The following RBAK variants were observed in gnomAD, a reference collection of about 807,000 sequenced individuals.
The protein encoded by RBAK is RB-associated KRAB zinc finger protein.
In RBAK, 39 loss-of-function variants were observed where a neutral mutation model predicts 65.8. That is an observed-to-expected ratio of 0.59 (90% confidence interval 0.46 to 0.77). The LOEUF is 0.77. Among genes scored for constraint, RBAK ranks in the 30% least tolerant of loss-of-function variants. The pLI, the probability that RBAK is intolerant of heterozygous loss-of-function variation, is 0.00. For missense variants in RBAK, 884 were observed against 855.1 expected, an observed-to-expected ratio of 1.03 and a Z score of -0.42; for synonymous variants, 343 against 289.7, an observed-to-expected ratio of 1.18 and a Z score of -1.87.
intron 2 of RBAK, among the ~76,000 whole-genome samples, chr7:5,054,634 A>G (rs1352933405): frequency 2.0e-5 from 3 of 151,688 alleles, no homozygotes; most frequent in Middle Eastern, 3.2e-3. Flanking sequence ...GGGTCTTGCT[A>G]TGTTGCCAAG....
At position 5,048,325 on chromosome 7, in the gene RBAK, A is replaced by G. The variant is rs1374789526; in HGVS notation, c.15+234A>G. Among the ~76,000 whole-genome samples the G allele has an allele frequency of 6.6e-6, 1 of 152,060 alleles. No individual in the cohort carries two copies. Among genetic ancestry groups the G allele is most frequent in the African/African-American group, 2.4e-5 (1 of 41,374 alleles). On this transcript the variant is annotated intron_variant, in intron 2 of 4. Coordinates refer to ENST00000396912, the MANE Select transcript of RBAK (RefSeq NM_021163.4). The surrounding 1 kb of genome is among the most constrained non-coding windows in gnomAD (Gnocchi z 4.4). ...GTAGCTGGGATTACAGGCGTGCGCC[A>G]CCATGCCCAACTAATTTTTTGTATT...
chr7:5,056,001 A>G (rs1157865893), intron 2 of RBAK, among the ~76,000 whole-genome samples: 2 of 152,066 alleles, frequency 1.3e-5, no homozygotes, highest in African/African-American at 4.8e-5. Context: ...TCCTTTTTCT[A>G]AACTACAAGT....
intron 1 of RBAK, among the ~76,000 whole-genome samples, chr7:5,047,391 C>T (rs1241673183): frequency 6.6e-6 from 1 of 151,952 alleles, no homozygotes; most frequent in Non-Finnish European, 1.5e-5. Context: ...AGATTGAGAC[C>T]CTGTCTCAAC....
chr7:5,064,993 T>C lies in RBAK; in HGVS notation c.1537T>C (p.Cys513Arg). Reference protein sequence around the residue: ...TAHLEEKPYECNECGKTFLVN... With the variant: ...TAHLEEKPYERNECGKTFLVN... ...TCATTTAGAAGAGAAACCCTATGAATGTAATGAATGTGGGAAAACCTTCCT... is the reference window on the plus strand; with the variant it reads ...TCATTTAGAAGAGAAACCCTATGAACGTAATGAATGTGGGAAAACCTTCCT... The change falls in exon 5 of 5, where the codon TGT becomes CGT. Residue 513 changes from cysteine (C) to arginine (R), a missense_variant. Cys to Arg is a radical substitution (Grantham distance 180, BLOSUM62 -3). Transcript: ENST00000396912. This position sits in a 1 kb window ranked among gnomAD's most constrained non-coding sequence, Gnocchi z 6.3. 2 of 1,614,128 alleles carry C rather than the reference T, an allele frequency of 1.2e-6. No individual in the cohort carries two copies. Among genetic ancestry groups the C allele is most frequent in the Middle Eastern group, 3.3e-4 (2 of 6,062 alleles).
At position 5,068,702 on chromosome 7, in the gene RBAK, T is replaced by C. The variant is rs1394588661; in HGVS notation, c.*3101T>C. 1 of 152,134 alleles carries C rather than the reference T, an allele frequency of 6.6e-6. No individual in the cohort carries two copies. The highest frequency in any genetic ancestry group is 1.5e-5 in the Non-Finnish European group (1 of 68,022). The allele number at this position is 152,134 out of a possible 1,614,324, so 9.4% of individuals were successfully genotyped here. On this transcript the variant is annotated 3_prime_UTR_variant, in exon 5 of 5. Transcript: ENST00000396912. ...CTGTTTTACCCAAACCCAGCAAAAA[T>C]GCATGTGTCTGTCCACCAAAGGACA...
rs766173536 is a variant in RBAK at position 5,065,251 on chromosome 7, G to A, written c.1795G>A (p.Glu599Lys). 7 of 1,613,780 alleles carry A rather than the reference G, an allele frequency of 4.3e-6. No homozygotes were observed. The highest frequency in any genetic ancestry group is 4.0e-5 in the African/African-American group (3 of 74,882). ...AGGCGAGAAACCCTATGAATGTTAC[G>A]AATGTGGAAAATTCTTCTCTCAGAA... ...HTGEKPYECY[E>K]CGKFFSQKSY... Residue 599 changes from glutamate to lysine, a missense_variant, in exon 5 of 5, where the codon GAA (glutamate) becomes AAA (lysine). Glu to Lys is a moderately conservative substitution (Grantham distance 56). Transcript: ENST00000396912. This position sits in a 1 kb window ranked among gnomAD's most constrained non-coding sequence, Gnocchi z 5.3.
Position 5,057,701 on chromosome 7 carries a change from C to A in RBAK, c.160C>A (p.Pro54Thr). 4 of 1,613,872 alleles carry A rather than the reference C, an allele frequency of 2.5e-6. No individual in the cohort carries two copies. Among genetic ancestry groups the A allele is most frequent in the Non-Finnish European group, 3.4e-6 (4 of 1,179,846 alleles). Residue 54 changes from proline to threonine, a missense_variant, in exon 4 of 5, where the codon CCA (proline) becomes ACA (threonine). By Grantham distance (38) the Pro-to-Thr change is conservative. Transcript: ENST00000396912. ...ATTAACAGGATATGATACCACCAAG[C>A]CAAACGTCATCATTAAGTTGGAGCA... Reference protein sequence around the residue: ...LVSVGYDTTKPNVIIKLEQGE... With the variant: ...LVSVGYDTTKTNVIIKLEQGE...
chr7:5,051,978 G>T (rs1309456261), intron 2 of RBAK, among the ~76,000 whole-genome samples: 1 of 152,140 alleles, frequency 6.6e-6, no homozygotes, highest in Non-Finnish European at 1.5e-5. Context: ...AATTGTTGGG[G>T]AGAGGGGATT....
intron 1 of RBAK, among the ~76,000 whole-genome samples, chr7:5,047,010 A>G (rs1788002381): frequency 6.6e-6 from 1 of 152,232 alleles, no homozygotes; most frequent in African/African-American, 2.4e-5. Flanking sequence ...TAATTTAGAA[A>G]CAAAACCATA....
intron 1 of RBAK, 58 bp from the exon 2 acceptor site, chr7:5,047,975 T>G: frequency 1.1e-6 from 1 of 888,338 alleles, no homozygotes; most frequent in Non-Finnish European, 1.7e-6. Context: ...CGCAGGAGAT[T>G]CCTGCCTTTG....
intron 2 of RBAK, among the ~76,000 whole-genome samples, chr7:5,052,463 A>T (rs1788137213): frequency 6.6e-6 from 1 of 152,144 alleles, no homozygotes; most frequent in Non-Finnish European, 1.5e-5. Flanking sequence ...CCTCTTGATT[A>T]ATTGATAATT....
At chr7:5,061,429 G>GT (rs1327875632) in intron 4 of RBAK, among the ~76,000 whole-genome samples, 1 of 145,936 alleles carries the variant, frequency 6.9e-6, no homozygotes, top group Non-Finnish European at 1.5e-5. Flanking sequence ...CTGATCTTGG[G>GT]TTTTTTGTTT....
intron 2 of RBAK, among the ~76,000 whole-genome samples, chr7:5,049,987 A>G (rs1257407327): frequency 2.0e-5 from 3 of 152,082 alleles, no homozygotes; most frequent in Admixed American, 6.5e-5. Flanking sequence ...CCAAAATGCT[A>G]GGATTACAGG....
rs749584211 is a variant in RBAK, at chr7:5,064,290, C to G, written c.834C>G (p.Ile278Met). Reference protein sequence around the residue: ...KSFCKKSKFIIHQRAHTGEKP... With the variant: ...KSFCKKSKFIMHQRAHTGEKP... ...TCTGTAAAAAGTCAAAATTCATCATCCACCAGAGGGCTCACACAGGAGAGA... is the reference window on the plus strand; with the variant it reads ...TCTGTAAAAAGTCAAAATTCATCATGCACCAGAGGGCTCACACAGGAGAGA... The change falls in exon 5 of 5, where the codon ATC becomes ATG. Residue 278 changes from isoleucine to methionine, a missense_variant. Coordinates refer to ENST00000396912, the MANE Select transcript of RBAK (RefSeq NM_021163.4). The surrounding 1 kb of genome is among the most constrained non-coding windows in gnomAD (Gnocchi z 6.3). The G allele has an allele frequency of 6.2e-7, 1 of 1,614,050 alleles. No individual in the cohort carries two copies. Among genetic ancestry groups the G allele is most frequent in the Non-Finnish European group, 8.5e-7 (1 of 1,179,964 alleles).
intron 2 of RBAK, among the ~76,000 whole-genome samples, chr7:5,052,168 A>C (rs1052169169): frequency 6.6e-6 from 1 of 152,192 alleles, no homozygotes; most frequent in Non-Finnish European, 1.5e-5. Flanking sequence ...TTTGTTATTT[A>C]TGTAGCATTC....
In RBAK at chr7:5,048,354, A is replaced by G. The variant is rs529131465; in HGVS notation, c.15+263A>G. On this transcript the variant is annotated intron_variant, in intron 2 of 4. Transcript: ENST00000396912. This position sits in a 1 kb window ranked among gnomAD's most constrained non-coding sequence, Gnocchi z 4.4. ...TGCCCAACTAATTTTTTGTATTTTT[A>G]GAAGAGACAGGGTTTCACCATGTTG... is the stretch of plus-strand genomic sequence containing the variant. Among the ~76,000 whole-genome samples, 16 of 152,140 alleles carry G rather than the reference A, an allele frequency of 1.1e-4. No homozygotes were observed. In the East Asian group the frequency reaches 2.3e-3, roughly 22 times the overall value.
chr7:5,063,477 CTGTGTGTGTGTGTGTGTGTG>C (rs71535175), intron 4 of RBAK, among the ~76,000 whole-genome samples, 198 bp from the exon 5 acceptor site: 1 of 147,196 alleles, frequency 6.8e-6, no homozygotes, highest in Non-Finnish European at 1.5e-5. Context: ...AATTCTTTCA[CTGTGTGTGTGTGTGTGTGTG>C]TGTGTGTGTG....
chr7:5,064,386 A>AGAT lies in RBAK; in HGVS notation c.930_931insGAT (p.Ser310_His311insAsp). ...GAACCCTCACTGTACATCGGAGATC[A>AGAT]CACTTAGAGGAGAAGCCCTATAAAT... On this transcript the variant is annotated inframe_insertion, in exon 5 of 5. Coordinates refer to ENST00000396912, the MANE Select transcript of RBAK (RefSeq NM_021163.4). The surrounding 1 kb of genome is among the most constrained non-coding windows in gnomAD (Gnocchi z 6.3). 1 of 1,613,918 alleles carries AGAT rather than the reference A, an allele frequency of 6.2e-7. No individual in the cohort carries two copies. Among genetic ancestry groups the AGAT allele is most frequent in the South Asian group, 1.1e-5 (1 of 91,054 alleles).
chr7:5,048,010 G>C lies in RBAK; in HGVS notation c.-44-23G>C. On this transcript the variant is annotated intron_variant, in intron 1 of 4. Coordinates refer to ENST00000396912, the MANE Select transcript of RBAK (RefSeq NM_021163.4). This position sits in a 1 kb window ranked among gnomAD's most constrained non-coding sequence, Gnocchi z 4.4. ...GCAGGCCAGAGCACTCATGACTTCA[G>C]TGACCTGCTTCTCCCCCTCTAGGTC... The C allele has an allele frequency of 1.5e-6, 2 of 1,346,838 alleles. No homozygotes were observed. Among genetic ancestry groups the C allele is most frequent in the Non-Finnish European group, 2.1e-6 (2 of 973,672 alleles). 83.4% of individuals were successfully genotyped at this position (1,346,838 alleles called of 1,614,324 possible). A position where few individuals can be genotyped will look rare whatever the true frequency, so the allele number is the denominator to read the frequency against.
Sources: gnomAD v4.1 joint callset for allele counts (sites outside exome capture counted in the v4.1 genomes callset) on GRCh38, gnomAD v4.1.1 for gene constraint, Gnocchi (gnomAD v3.1) non-coding constraint, MANE v1.5 for transcripts, NCBI Gene and HGNC (gene_info 2026-07-23, HGNC 2026-07-21) for gene names.